PAX5: variants seen among roughly 807,000 people sequenced by gnomAD.
PAX5 encodes paired box protein Pax-5.
PAX5 carries 9 observed loss-of-function variants against 43.7 expected under a neutral mutation model. That is an observed-to-expected ratio of 0.21 (90% CI 0.12 to 0.36). The LOEUF (loss-of-function observed/expected upper bound fraction) is 0.36. Ranked by LOEUF, PAX5 falls within the 10% of genes least tolerant of loss-of-function variation. The probability of loss-of-function intolerance (pLI) is 1.00; values close to 1 mark genes in which losing one functional copy is unlikely to be tolerated. For missense variants in PAX5, 383 were observed against 532.7 expected, an observed-to-expected ratio of 0.72 and a Z score of 2.77; for synonymous variants, 228 against 214.3, an observed-to-expected ratio of 1.06 and a Z score of -0.56.
At chr9:37,013,240 A>G (rs1346177693) in intron 3 of PAX5, among the ~76,000 whole-genome samples, 2 of 152,216 alleles carry the variant, frequency 1.3e-5, no homozygotes, top group East Asian at 3.8e-4. Flanking sequence ...GGCTGGAGCT[A>G]AGAAGCACTG....
Position 37,005,909 on chromosome 9 carries a change from G to A in PAX5, c.475+564C>T, listed in dbSNP as rs181543069. Among the ~76,000 whole-genome samples, 494 of 152,206 alleles carry A rather than the reference G, an allele frequency of 3.2e-3. 1 individual carries two copies. Among genetic ancestry groups the A allele is most frequent in the African/African-American group, 0.011 (462 of 41,516 alleles). The stretch of plus-strand genomic sequence containing the variant: ...TAGGAAGTATGACTCCCACTCTGTC[G>A]GGTCACAGCCACTCTCAGACGTCAC... On this transcript the variant is annotated intron_variant, in intron 4 of 9. Transcript: ENST00000358127.
chr9:36,894,373 G>A (rs543708402), intron 7 of PAX5, among the ~76,000 whole-genome samples: 1 of 152,264 alleles, frequency 6.6e-6, no homozygotes, highest in South Asian at 2.1e-4. Flanking sequence ...ACAAGATAAT[G>A]GCTAAATGAA....
At chr9:37,026,800 G>A in intron 1 of PAX5, 2 of 855,308 alleles carry the variant, frequency 2.3e-6, no homozygotes, top group Non-Finnish European at 2.8e-6. Flanking sequence ...CTAGGAGCGG[G>A]TGCCCAACTC....
At chr9:36,996,060 C>G (rs1837366991) in intron 5 of PAX5, among the ~76,000 whole-genome samples, 2 of 152,246 alleles carry the variant, frequency 1.3e-5, no homozygotes, top group Admixed American at 1.3e-4. Context: ...CGGCTGCAGG[C>G]AATCGGCTTC....
At chr9:37,012,278 G>A (rs1838995679) in intron 3 of PAX5, among the ~76,000 whole-genome samples, 1 of 152,144 alleles carries the variant, frequency 6.6e-6, no homozygotes, top group African/African-American at 2.4e-5. Flanking sequence ...AGTCCTACAG[G>A]GCAGTGGTGG....
chr9:36,937,355 C>T (rs1194258090), intron 6 of PAX5, among the ~76,000 whole-genome samples: 1 of 152,158 alleles, frequency 6.6e-6, no homozygotes, highest in Non-Finnish European at 1.5e-5. Flanking sequence ...ACTCCAGAGT[C>T]CAAGCTCTGA....
At chr9:36,859,858 C>A (rs1228163371) in intron 8 of PAX5, among the ~76,000 whole-genome samples, 3 of 151,208 alleles carry the variant, frequency 2.0e-5, no homozygotes, top group African/African-American at 7.3e-5. Context: ...CACGGTGAAA[C>A]CCCACCTCTA....
intron 1 of PAX5, among the ~76,000 whole-genome samples, chr9:37,030,776 T>A (rs1840905855): frequency 1.3e-5 from 2 of 152,202 alleles, no homozygotes; most frequent in African/African-American, 4.8e-5. Context: ...CGCACTGCAT[T>A]ACCGTGGCTT....
intron 8 of PAX5, among the ~76,000 whole-genome samples, chr9:36,857,423 T>C (rs1237651983): frequency 1.3e-5 from 2 of 152,190 alleles, no homozygotes; most frequent in Admixed American, 6.5e-5. Context: ...GCATACTCAG[T>C]GAAATGCGCC....
At position 36,923,436 on chromosome 9, in the gene PAX5, T is replaced by A. The variant is rs758672654; in HGVS notation, c.829A>T (p.Met277Leu). 6.2e-6 allele frequency: 10 copies of A among 1,612,700 alleles called. No homozygotes were observed. In the South Asian group the frequency reaches 9.9e-5, roughly 16 times the overall value. ...GTGGGGCTGGCCAGATTGGCCTTCA[T>A]GTCGTCCAGCCCACCAGCCAGCGAG... ...MASLAGGLDD[M>L]KANLASPTPA... Residue 277 changes from methionine to leucine, a missense_variant, in exon 7 of 10, where the codon ATG becomes TTG. Coordinates refer to ENST00000358127, the MANE Select transcript of PAX5 (RefSeq NM_016734.3).
intron 6 of PAX5, among the ~76,000 whole-genome samples, chr9:36,926,312 T>C (rs1012790888): frequency 6.6e-6 from 1 of 152,038 alleles, no homozygotes; most frequent in African/African-American, 2.4e-5. Flanking sequence ...GAAAAAAAAA[T>C]ATCCAAGGGT....
intron 8 of PAX5, 73 bp from the exon 9 acceptor site, chr9:36,847,002 G>C: frequency 9.2e-7 from 1 of 1,090,070 alleles, no homozygotes; most frequent in East Asian, 2.5e-5. Context: ...CTGGGTCCCA[G>C]CCAGCCTGGT....
At chr9:36,884,580 T>A (rs1826751955) in intron 7 of PAX5, among the ~76,000 whole-genome samples, 1 of 152,194 alleles carries the variant, frequency 6.6e-6, no homozygotes, top group African/African-American at 2.4e-5. Context: ...CAAGAACATG[T>A]CAAGGAAACC....
intron 8 of PAX5, among the ~76,000 whole-genome samples, chr9:36,881,315 G>T (rs971889936): frequency 1.3e-5 from 2 of 152,196 alleles, no homozygotes; most frequent in African/African-American, 4.8e-5. Flanking sequence ...TTTTCCTCCT[G>T]ATTTTTAAAA....
intron 7 of PAX5, among the ~76,000 whole-genome samples, chr9:36,905,087 C>T (rs192982682): frequency 2.9e-4 from 44 of 152,296 alleles, no homozygotes; most frequent in Middle Eastern, 3.4e-3. Context: ...GGGGAGTGCT[C>T]CAAGGAGACA....
chr9:36,933,689 CT>C (rs1831314710), intron 6 of PAX5, among the ~76,000 whole-genome samples: 2 of 152,236 alleles, frequency 1.3e-5, no homozygotes, highest in Non-Finnish European at 2.9e-5. Context: ...AGCACTGAAT[CT>C]GCAAGGAGGA....
intron 5 of PAX5, among the ~76,000 whole-genome samples, chr9:36,968,176 G>C (rs543026061): frequency 6.6e-6 from 1 of 152,296 alleles, no homozygotes; most frequent in Non-Finnish European, 1.5e-5. Flanking sequence ...AACCAGCGTG[G>C]GTCTGCTCTC....
chr9:36,938,556 C>G (rs1831757354), intron 6 of PAX5, among the ~76,000 whole-genome samples: 1 of 152,220 alleles, frequency 6.6e-6, no homozygotes, highest in Non-Finnish European at 1.5e-5. Context: ...ATCTCCCCAT[C>G]CAACCGTCTC....
chr9:36,929,248 AGGAAGGAAG>A (rs1830922614), intron 6 of PAX5, among the ~76,000 whole-genome samples: 1 of 32,398 alleles, frequency 3.1e-5, no homozygotes, highest in Non-Finnish European at 5.8e-5. Context: ...GAAGGAAGGA[AGGAAGGAAG>A]GAAGGAAGGA....
Sources: gnomAD v4.1 joint callset for allele counts (sites outside exome capture counted in the v4.1 genomes callset) on GRCh38, gnomAD v4.1.1 for gene constraint, MANE v1.5 for transcripts, NCBI Gene and HGNC (gene_info 2026-07-23, HGNC 2026-07-21) for gene names.